The following STARD10 variants were observed in gnomAD, a reference collection of about 807,000 sequenced individuals.
The protein encoded by STARD10 is StAR related lipid transfer domain containing 10, also known as START domain-containing protein 10.
In STARD10, 24 loss-of-function variants were observed where a neutral mutation model predicts 36.0. That is an observed-to-expected ratio of 0.67 (90% CI 0.48 to 0.94). The LOEUF is 0.94. Among genes scored for constraint, STARD10 ranks in the 40% least tolerant of loss-of-function variants. The probability of loss-of-function intolerance (pLI) is 0.00; values close to 1 mark genes in which losing one functional copy is unlikely to be tolerated. For missense variants in STARD10, 335 were observed against 396.6 expected (o/e 0.84, Z 1.32); for synonymous variants, 156 against 161.9 (o/e 0.96, Z 0.28).
At chr11:72,777,098 G>A (rs774594669) in intron 2 of STARD10, among the ~76,000 whole-genome samples, 26 of 152,212 alleles carry the variant, frequency 1.7e-4, no homozygotes, top group Non-Finnish European at 2.2e-4. Flanking sequence ...CCTCATTCCT[G>A]CCCCAAGGCT....
At chr11:72,756,714 T>A (rs1431366822) in intron 5 of STARD10, among the ~76,000 whole-genome samples, 1 of 152,000 alleles carries the variant, frequency 6.6e-6, no homozygotes, top group Non-Finnish European at 1.5e-5. Context: ...ACAGAGTAAC[T>A]TCAAGCAGAT....
At chr11:72,789,888 C>CG (rs1303203093) in intron 1 of STARD10, among the ~76,000 whole-genome samples, 3 of 152,160 alleles carry the variant, frequency 2.0e-5, no homozygotes. Context: ...ACAGGCTTCC[C>CG]GGGGGAAGAC....
intron 2 of STARD10, among the ~76,000 whole-genome samples, chr11:72,774,326 G>C (rs1342768446): frequency 1.3e-5 from 2 of 152,222 alleles, no homozygotes; most frequent in East Asian, 3.8e-4. Flanking sequence ...TGCCTTCAGG[G>C]AGCCCAGGCT....
chr11:72,760,152 C>T (rs1184346411), intron 2 of STARD10, among the ~76,000 whole-genome samples: 1 of 152,136 alleles, frequency 6.6e-6, no homozygotes, highest in East Asian at 1.9e-4. Context: ...CCACCCACCT[C>T]GGCCTCCCAA....
At chr11:72,758,509 A>G (rs1353896843) in intron 4 of STARD10, 21 bp downstream of exon 4, 1 of 1,599,758 alleles carries the variant, frequency 6.3e-7, no homozygotes, top group Non-Finnish European at 8.6e-7. Context: ...GCTCCACCGC[A>G]GGGAAGGCAG....
intron 3 of STARD10, among the ~76,000 whole-genome samples, chr11:72,758,973 G>T (rs559867603): frequency 6.6e-6 from 1 of 152,354 alleles, no homozygotes; most frequent in Middle Eastern, 3.4e-3. Context: ...ATGTGGGTGG[G>T]GGCTGTGTGC....
rs545924374 is a variant in STARD10 at position 72,754,892 on chromosome 11, G to A, written c.*5C>T. 7 of 1,595,828 alleles carry A rather than the reference G, an allele frequency of 4.4e-6. No individual in the cohort carries two copies. The highest frequency in any genetic ancestry group is 3.3e-5 in the Admixed American group (2 of 59,732). ...CCTGTCTCCGTCCCTGAAGCGGTGCGGCGCTCAGGTGAGCGAGGTGTCGTC... is the reference window on the plus strand; with the variant it reads ...CCTGTCTCCGTCCCTGAAGCGGTGCAGCGCTCAGGTGAGCGAGGTGTCGTC... On this transcript the variant is annotated 3_prime_UTR_variant, in exon 7 of 7. Transcript: ENST00000334805.
intron 1 of STARD10, among the ~76,000 whole-genome samples, chr11:72,791,897 G>A (rs1194717971): frequency 5.3e-5 from 8 of 151,732 alleles, no homozygotes; most frequent in African/African-American, 1.9e-4. Context: ...GTTTTGAGAC[G>A]GAGTTTCGTT....
intron 2 of STARD10, among the ~76,000 whole-genome samples, chr11:72,764,403 A>G (rs1462995935): frequency 1.3e-5 from 2 of 152,140 alleles, no homozygotes; most frequent in Admixed American, 6.5e-5. Context: ...ACTTTATCTC[A>G]TAAAGAGAAA....
At position 72,755,109 on chromosome 11, in the gene STARD10, A is replaced by G; in HGVS notation, c.664T>C (p.Tyr222His). Residue 222 changes from tyrosine (Y) to histidine (H), a missense_variant, in exon 7 of 7, where the codon TAC (tyrosine) becomes CAC (histidine). Coordinates refer to ENST00000334805, the MANE Select transcript of STARD10 (RefSeq NM_006645.3). ...MKKMYKACLKYPEWKQKHLPH... is the reference protein window; with the variant it reads ...MKKMYKACLKHPEWKQKHLPH... The stretch of plus-strand genomic sequence containing the variant: ...AGGTGCTTCTGTTTCCACTCGGGGT[A>G]CTTGAGGCACGCCTTGTACATCTTC... 1 of 1,613,348 alleles carries G rather than the reference A, an allele frequency of 6.2e-7. No individual in the cohort carries two copies. Among genetic ancestry groups the G allele is most frequent in the Non-Finnish European group, 8.5e-7 (1 of 1,179,766 alleles).
chr11:72,765,777 C>A (rs1436323198), intron 2 of STARD10, among the ~76,000 whole-genome samples: 3 of 146,552 alleles, frequency 2.0e-5, no homozygotes, highest in Non-Finnish European at 4.4e-5. Context: ...TCGAGACCAG[C>A]CTGACCAACA....
At position 72,754,870 on chromosome 11, in the gene STARD10, G is replaced by T. The variant is rs367907815; in HGVS notation, c.*27C>A. 2.9e-5 allele frequency: 46 copies of T among 1,589,076 alleles called. 1 individual carries two copies. The African/African-American group carries it at 4.4e-4, about 15-fold the overall frequency. On this transcript the variant is annotated 3_prime_UTR_variant, in exon 7 of 7. Transcript: ENST00000334805. ...GCCGCCCCAGGGCTCGCCCGGTCCT[G>T]TCTCCGTCCCTGAAGCGGTGCGGCG... is the stretch of plus-strand genomic sequence containing the variant.
intron 2 of STARD10, among the ~76,000 whole-genome samples, chr11:72,772,781 A>C (rs1858880024): frequency 2.6e-5 from 4 of 151,876 alleles, no homozygotes; most frequent in Admixed American, 2.6e-4. Context: ...GCCACAGGGG[A>C]GCCTACCTCC....
rs34839119 is a variant in STARD10 at position 72,757,145 on chromosome 11, CAAA to C, written c.577+619_577+621del. 1.1e-3 allele frequency among the ~76,000 whole-genome samples: 114 copies of C among 102,140 alleles called. 2 individuals carry two copies. The highest frequency in any genetic ancestry group is 5.1e-3 in the Middle Eastern group (1 of 196). The allele number at this position is 102,140 out of a possible 152,430, so 67.0% of individuals were successfully genotyped here. ...GGGAAACAAGAGTGAAACTCTGTCT[CAAA>C]AAAAAAAAAAAAAAAAAAATCAATG... On this transcript the variant is annotated intron_variant, in intron 5 of 6. Transcript: ENST00000334805.
At chr11:72,778,138 G>T (rs1858949745) in intron 2 of STARD10, among the ~76,000 whole-genome samples, 1 of 152,246 alleles carries the variant, frequency 6.6e-6, no homozygotes, top group Admixed American at 6.5e-5. Flanking sequence ...CGTCCTCCAG[G>T]CCTTCAAAGA....
intron 6 of STARD10, 161 bp from the exon 7 acceptor site, chr11:72,755,303 A>AT: frequency 6.2e-6 from 3 of 483,474 alleles, no homozygotes; most frequent in South Asian, 6.2e-5. Flanking sequence ...TCCATTCTCC[A>AT]TTCTTTTTTT....
intron 4 of STARD10, 88 bp from the exon 5 acceptor site, chr11:72,757,972 C>G: frequency 9.2e-7 from 1 of 1,092,104 alleles, no homozygotes; most frequent in Non-Finnish European, 1.4e-6. Flanking sequence ...CACGCGCACA[C>G]ACACATACAG....
At chr11:72,790,555 C>T (rs1197667181) in intron 1 of STARD10, among the ~76,000 whole-genome samples, 1 of 152,252 alleles carries the variant, frequency 6.6e-6, no homozygotes, top group East Asian at 1.9e-4. Flanking sequence ...GCCCCTGCTC[C>T]ATGAGGGGAA....
Position 72,792,041 on chromosome 11 carries a change from ATTTTTTTTT to A in STARD10, c.-114+825_-114+833del, listed in dbSNP as rs869068929. Among the ~76,000 whole-genome samples the A allele has an allele frequency of 1.3e-4, 5 of 38,808 alleles. 1 individual carries two copies. The highest frequency in any genetic ancestry group is 2.2e-4 in the Non-Finnish European group (5 of 22,644). The allele number at this position is 38,808 out of a possible 152,430, so 25.5% of individuals were successfully genotyped here. A position where few individuals can be genotyped will look rare whatever the true frequency, so the allele number is the denominator to read the frequency against. ...CGGCATACACCACCACACCTGGCTA[ATTTTTTTTT>A]TTTTTTTTTTTTTTTTTGAGACAGA... On this transcript the variant is annotated intron_variant, in intron 1 of 6. Coordinates refer to ENST00000334805, the MANE Select transcript of STARD10 (RefSeq NM_006645.3).
Sources: gnomAD v4.1 joint callset for allele counts (sites outside exome capture counted in the v4.1 genomes callset) on GRCh38, gnomAD v4.1.1 for gene constraint, MANE v1.5 for transcripts, NCBI Gene and HGNC (gene_info 2026-07-23, HGNC 2026-07-21) for gene names.